Variants in FNBP1L observed in about 807,000 individuals in gnomAD.
The protein encoded by FNBP1L is formin-binding protein 1-like.
In FNBP1L, 36 loss-of-function variants were observed where a neutral mutation model predicts 91.2. That is an observed-to-expected ratio of 0.39 (90% CI 0.30 to 0.52). The LOEUF (loss-of-function observed/expected upper bound fraction) is 0.52. FNBP1L is among the 20% of genes least tolerant of loss of function. FNBP1L has a pLI of 0.66. For missense variants in FNBP1L, 571 were observed against 732.1 expected (o/e 0.78, Z 2.54); for synonymous variants, 242 against 237.0 (o/e 1.02, Z -0.19).
intron 1 of FNBP1L, among the ~76,000 whole-genome samples, chr1:93,461,550 CA>C (rs59105240): frequency 2.8e-3 from 401 of 145,656 alleles, no homozygotes; most frequent in African/African-American, 9.1e-3. Flanking sequence ...ATTTAAGGCG[CA>C]AAAAAAAAAG....
At chr1:93,523,228 C>A in intron 3 of FNBP1L, 116 bp from the exon 4 acceptor site, 1 of 996,284 alleles carries the variant, frequency 1.0e-6, no homozygotes, top group Non-Finnish European at 1.4e-6. Flanking sequence ...GAACTAGTAG[C>A]TGAGATTTAG....
chr1:93,523,651 G>A (rs1008882022), intron 4 of FNBP1L, among the ~76,000 whole-genome samples, 160 bp downstream of exon 4: 2 of 152,148 alleles, frequency 1.3e-5, no homozygotes, highest in Non-Finnish European at 2.9e-5. Flanking sequence ...GCTAATTTAT[G>A]ATCCTTTTGG....
intron 12 of FNBP1L, 146 bp downstream of exon 12, chr1:93,544,362 AT>A: frequency 2.1e-6 from 1 of 465,686 alleles, no homozygotes; most frequent in Non-Finnish European, 3.6e-6. Flanking sequence ...TACCCTGGAA[AT>A]TTTTATGGTT....
At chr1:93,503,942 G>A (rs1408145549) in intron 2 of FNBP1L, among the ~76,000 whole-genome samples, 4 of 152,066 alleles carry the variant, frequency 2.6e-5, no homozygotes, top group Non-Finnish European at 5.9e-5. Flanking sequence ...CCACCCCAGA[G>A]CATACATAAA....
intron 1 of FNBP1L, among the ~76,000 whole-genome samples, chr1:93,497,231 G>A (rs1670296166): frequency 1.3e-5 from 2 of 152,102 alleles, no homozygotes; most frequent in Admixed American, 1.3e-4. Flanking sequence ...CAAAGTGCTG[G>A]GATTACAGGC....
rs989196273 is a variant in FNBP1L at position 93,516,057 on chromosome 1, C to T, written c.141-6025C>T. Among the ~76,000 whole-genome samples the T allele has an allele frequency of 4.6e-5, 7 of 152,216 alleles. No individual in the cohort carries two copies. In the East Asian group the frequency reaches 5.8e-4, roughly 13 times the overall value. ...AAATCAGAAACTCAGTATATGTAGA[C>T]TCCTCCAGTCTCTTGGATTTACATA... On this transcript the variant is annotated intron_variant, in intron 2 of 16. Transcript: ENST00000271234.
intron 1 of FNBP1L, among the ~76,000 whole-genome samples, chr1:93,495,611 A>G (rs1181429322): frequency 1.3e-5 from 2 of 152,184 alleles, no homozygotes; most frequent in East Asian, 1.9e-4. Flanking sequence ...TCTTTGTTTA[A>G]TACAGGTTGG....
In FNBP1L at chr1:93,547,029, TGATA is replaced by T; in HGVS notation, c.1407+59_1407+62del. ...TAAATTATTTTTATAAACTTCATTATGATAGATTGGTTTTTGTTAGAATTATCTT... is the reference window on the plus strand; with the variant it reads ...TAAATTATTTTTATAAACTTCATTATGATTGGTTTTTGTTAGAATTATCTT... On this transcript the variant is annotated intron_variant, in intron 13 of 16. Coordinates refer to ENST00000271234, the MANE Select transcript of FNBP1L (RefSeq NM_001164473.3). 5 of 1,520,128 alleles carry T rather than the reference TGATA, an allele frequency of 3.3e-6. No homozygotes were observed. In the South Asian group the frequency reaches 3.8e-5, roughly 12 times the overall value. 94.2% of individuals were successfully genotyped at this position (1,520,128 alleles called of 1,614,324 possible).
intron 2 of FNBP1L, among the ~76,000 whole-genome samples, chr1:93,509,970 G>C (rs1327970589): frequency 2.0e-5 from 3 of 152,214 alleles, no homozygotes; most frequent in Non-Finnish European, 1.5e-5. Context: ...TACGCCCACG[G>C]AGTCTTGCTG....
At chr1:93,466,975 G>C (rs1255248648) in intron 1 of FNBP1L, among the ~76,000 whole-genome samples, 2 of 152,152 alleles carry the variant, frequency 1.3e-5, no homozygotes, top group East Asian at 3.8e-4. Flanking sequence ...TCCTGCCTCA[G>C]CCTCCAGAGT....
intron 1 of FNBP1L, among the ~76,000 whole-genome samples, chr1:93,480,690 A>G (rs547306376): frequency 3.2e-4 from 49 of 151,586 alleles, no homozygotes; most frequent in African/African-American, 1.1e-3. Context: ...GGTTCATGCC[A>G]TTCTCCTGCC....
intron 2 of FNBP1L, among the ~76,000 whole-genome samples, chr1:93,515,961 A>C (rs193178325): frequency 1.3e-5 from 2 of 152,274 alleles, no homozygotes; most frequent in East Asian, 1.9e-4. Flanking sequence ...TAATTGACCT[A>C]TTATCCTCTA....
chr1:93,460,284 A>T (rs926206233), intron 1 of FNBP1L, among the ~76,000 whole-genome samples: 3 of 152,122 alleles, frequency 2.0e-5, no homozygotes, highest in Non-Finnish European at 2.9e-5. Context: ...TTGGTGTGTG[A>T]CGACATAGCA....
In FNBP1L at chr1:93,554,239, G is replaced by C. The variant is rs1672504663; in HGVS notation, c.*1823G>C. ...TTTTTATTTTAAAGGTTAGCAATGA[G>C]GAGGAAATGTGATCTGGCTGTGTTT... is the stretch of plus-strand genomic sequence containing the variant. On this transcript the variant is annotated 3_prime_UTR_variant, in exon 17 of 17. Coordinates refer to ENST00000271234, the MANE Select transcript of FNBP1L (RefSeq NM_001164473.3). 1 of 152,638 alleles carries C rather than the reference G, an allele frequency of 6.6e-6. No individual in the cohort carries two copies. Among genetic ancestry groups the C allele is most frequent in the Non-Finnish European group, 1.5e-5 (1 of 68,044 alleles). 9.5% of individuals were successfully genotyped at this position (152,638 alleles called of 1,614,324 possible). A position where few individuals can be genotyped will look rare whatever the true frequency, so the allele number is the denominator to read the frequency against.
chr1:93,519,905 G>A (rs981126654), intron 2 of FNBP1L, among the ~76,000 whole-genome samples: 1 of 152,108 alleles, frequency 6.6e-6, no homozygotes, highest in African/African-American at 2.4e-5. Context: ...GTGAGCTATG[G>A]TTGCACCCTA....
At chr1:93,479,400 T>C (rs1669613089) in intron 1 of FNBP1L, among the ~76,000 whole-genome samples, 1 of 152,208 alleles carries the variant, frequency 6.6e-6, no homozygotes, top group Non-Finnish European at 1.5e-5. Flanking sequence ...CGTATTATCT[T>C]GATAAATATC....
chr1:93,456,321 A>G (rs1431202384), intron 1 of FNBP1L, among the ~76,000 whole-genome samples: 4 of 152,212 alleles, frequency 2.6e-5, no homozygotes, highest in Admixed American at 2.6e-4. Flanking sequence ...CTCATGAAAG[A>G]CGGGAAATAC....
At chr1:93,514,182 T>C (rs2101741138) in intron 2 of FNBP1L, among the ~76,000 whole-genome samples, 1 of 152,274 alleles carries the variant, frequency 6.6e-6, no homozygotes, top group South Asian at 2.1e-4. Flanking sequence ...TCAAAGGGAA[T>C]AAAATACCTA....
At chr1:93,525,068 CAAA>C (rs35709316) in intron 5 of FNBP1L, among the ~76,000 whole-genome samples, 5 of 135,840 alleles carry the variant, frequency 3.7e-5, no homozygotes, top group East Asian at 2.1e-4. Context: ...GGATTAGAGT[CAAA>C]AAAAAAAAAA....
Sources: allele counts gnomAD v4.1 joint callset (sites outside exome capture counted in the v4.1 genomes callset), GRCh38; gene constraint gnomAD v4.1.1; transcripts MANE v1.5; gene names NCBI Gene and HGNC (gene_info 2026-07-23, HGNC 2026-07-21).